CLSTN2: variants seen among roughly 807,000 people sequenced by gnomAD.
CLSTN2 encodes calsyntenin 2, also known as calsyntenin-2.
A neutral mutation model predicts 101.2 loss-of-function variants in CLSTN2; 48 were observed. The ratio of observed to expected loss-of-function variants is 0.47; its 90% CI spans 0.38 to 0.60. CLSTN2 has a LOEUF of 0.60. Ranked by LOEUF, CLSTN2 falls within the 20% of genes least tolerant of loss-of-function variation. The pLI is 0.00. For synonymous variants in CLSTN2, 481 were observed against 463.6 expected, an observed-to-expected ratio of 1.04 and a Z score of -0.48; for missense variants, 1,160 against 1,238.2, an observed-to-expected ratio of 0.94 and a Z score of 0.95.
intron 8 of CLSTN2, among the ~76,000 whole-genome samples, chr3:140,525,400 G>A (rs1343732444): frequency 1.3e-5 from 2 of 152,110 alleles, no homozygotes; most frequent in East Asian, 1.9e-4. Context: ...TAGGAAGCAC[G>A]TGAAAACCTG....
At chr3:140,046,211 T>C (rs1003857657) in intron 1 of CLSTN2, among the ~76,000 whole-genome samples, 4 of 151,092 alleles carry the variant, frequency 2.6e-5, no homozygotes, top group African/African-American at 9.7e-5. Context: ...ATTGGGGGCA[T>C]ATATATTTAG....
chr3:140,322,752 AG>A (rs2087296098), intron 2 of CLSTN2, among the ~76,000 whole-genome samples: 1 of 152,226 alleles, frequency 6.6e-6, no homozygotes, highest in African/African-American at 2.4e-5. Flanking sequence ...CTGGTTGTAA[AG>A]CCTCTGAGGG....
chr3:139,957,910 C>T (rs975067431), intron 1 of CLSTN2, among the ~76,000 whole-genome samples: 5 of 152,152 alleles, frequency 3.3e-5, no homozygotes, highest in Non-Finnish European at 7.3e-5. Flanking sequence ...TCAGAATCGC[C>T]GGGCGATCCC....
intron 2 of CLSTN2, among the ~76,000 whole-genome samples, chr3:140,302,143 A>G (rs957676514): frequency 6.6e-6 from 1 of 152,196 alleles, no homozygotes; most frequent in Non-Finnish European, 1.5e-5. Flanking sequence ...CATTGTGATC[A>G]TTTGAGGCTT....
intron 1 of CLSTN2, among the ~76,000 whole-genome samples, chr3:140,053,012 G>A (rs6768370): frequency 0.2 from 30,096 of 152,122 alleles, 3,124 homozygotes; most frequent in Middle Eastern, 0.3. Context: ...AGCCAACCAC[G>A]AGCCTGCAGG....
intron 1 of CLSTN2, among the ~76,000 whole-genome samples, chr3:140,045,794 G>A (rs1576408354): frequency 6.6e-6 from 1 of 152,336 alleles, no homozygotes. Flanking sequence ...TCATTCAAGA[G>A]CAGGTTGTTC....
intron 1 of CLSTN2, among the ~76,000 whole-genome samples, chr3:139,978,647 ATTGTGTGTGT>A (rs1176019063): frequency 1.6e-5 from 1 of 62,750 alleles, no homozygotes; most frequent in Non-Finnish European, 3.1e-5. Flanking sequence ...GGGATGGGGG[ATTGTGTGTGT>A]GTGTGTGTGT....
chr3:140,403,642 G>A lies in CLSTN2; in HGVS notation c.246G>A (p.Ala82=), dbSNP rs142775951. The change falls in exon 3 of 17, where the codon GCG becomes GCA. Residue 82 remains alanine, a synonymous_variant. Coordinates refer to ENST00000458420, the MANE Select transcript of CLSTN2 (RefSeq NM_022131.3). Reference sequence around the variant, plus strand: ...ATCCTTCTGCAGGGGAAATCTGTGCGTTCAAGATCCATGGCCAGGAGCTGC... The same window carrying A: ...ATCCTTCTGCAGGGGAAATCTGTGCATTCAAGATCCATGGCCAGGAGCTGC... ...APVPFAGEIC[A]FKIHGQELPF... 4.7e-4 allele frequency: 751 copies of A among 1,611,642 alleles called. 5 individuals are homozygous for A. In the African/African-American group the frequency reaches 7.3e-3, roughly 16 times the overall value.
chr3:140,364,321 CT>C (rs781533645), intron 2 of CLSTN2, among the ~76,000 whole-genome samples: 89 of 152,256 alleles, frequency 5.8e-4, no homozygotes, highest in Non-Finnish European at 3.7e-4. Context: ...GGGCCTGGGG[CT>C]TGATGGATTC....
chr3:140,052,049 C>A (rs1460248287), intron 1 of CLSTN2, among the ~76,000 whole-genome samples: 1 of 152,218 alleles, frequency 6.6e-6, no homozygotes, highest in East Asian at 1.9e-4. Context: ...TGTTTGAGAT[C>A]AATTGGTCCA....
At chr3:140,446,178 T>C (rs571663111) in intron 5 of CLSTN2, among the ~76,000 whole-genome samples, 2 of 152,198 alleles carry the variant, frequency 1.3e-5, no homozygotes, top group African/African-American at 2.4e-5. Flanking sequence ...TCCAGTGGTT[T>C]GTCCTTAAGA....
At chr3:139,943,482 C>T (rs775740679) in intron 1 of CLSTN2, among the ~76,000 whole-genome samples, 1 of 152,272 alleles carries the variant, frequency 6.6e-6, no homozygotes, top group Non-Finnish European at 1.5e-5. Context: ...TTAAGAATAG[C>T]TTAACACTCT....
chr3:140,233,176 C>T (rs548952619), intron 2 of CLSTN2, among the ~76,000 whole-genome samples: 1 of 152,190 alleles, frequency 6.6e-6, no homozygotes, highest in South Asian at 2.1e-4. Flanking sequence ...CCTTCTCAGA[C>T]TCAAGTCTCT....
intron 1 of CLSTN2, among the ~76,000 whole-genome samples, chr3:140,102,176 G>A (rs568860208): frequency 1.3e-4 from 20 of 152,328 alleles, no homozygotes; most frequent in African/African-American, 3.6e-4. Flanking sequence ...CCAATCATTC[G>A]TGATAAGGAA....
At chr3:140,303,879 G>A (rs992412399) in intron 2 of CLSTN2, among the ~76,000 whole-genome samples, 1 of 151,746 alleles carries the variant, frequency 6.6e-6, no homozygotes, top group African/African-American at 2.4e-5. Flanking sequence ...CACTGGGAGG[G>A]CCTGCAGCTT....
intron 1 of CLSTN2, among the ~76,000 whole-genome samples, chr3:139,961,093 T>G (rs764587592): frequency 3.9e-5 from 6 of 152,090 alleles, no homozygotes; most frequent in Non-Finnish European, 5.9e-5. Flanking sequence ...CACAGGCAAG[T>G]GAGTGACTCC....
intron 8 of CLSTN2, among the ~76,000 whole-genome samples, chr3:140,493,569 C>T (rs527510180): frequency 6.6e-6 from 1 of 152,208 alleles, no homozygotes; most frequent in South Asian, 2.1e-4. Flanking sequence ...TTCTGTGGGC[C>T]GTCACCAAGA....
chr3:140,510,351 A>G (rs536772652), intron 8 of CLSTN2, among the ~76,000 whole-genome samples: 112 of 152,278 alleles, frequency 7.4e-4, no homozygotes, highest in African/African-American at 2.6e-3. Flanking sequence ...AGAAAGAAAG[A>G]AAAAAACCCC....
chr3:139,977,179 T>C (rs963548998), intron 1 of CLSTN2, among the ~76,000 whole-genome samples: 2 of 152,204 alleles, frequency 1.3e-5, no homozygotes, highest in African/African-American at 4.8e-5. Context: ...GGTCCTTAGA[T>C]GATCTCTCAT....
Sources: gnomAD v4.1 joint callset for allele counts (sites outside exome capture counted in the v4.1 genomes callset) on GRCh38, gnomAD v4.1.1 for gene constraint, MANE v1.5 for transcripts, NCBI Gene and HGNC (gene_info 2026-07-23, HGNC 2026-07-21) for gene names.